The following COL16A1 variants were observed in gnomAD, a reference collection of about 807,000 sequenced individuals.
COL16A1 encodes the protein collagen alpha-1(XVI) chain.
COL16A1 carries 189 observed loss-of-function variants against 266.3 expected under a neutral mutation model. The observed-to-expected ratio is 0.71, with a 90% CI of 0.63 to 0.80. The LOEUF is 0.80. COL16A1 is among the 30% of genes least tolerant of loss of function. COL16A1 has a pLI of 0.00. For synonymous variants in COL16A1, 740 were observed against 782.3 expected, an observed-to-expected ratio of 0.95 and a Z score of 0.90; for missense variants, 1,928 against 2,122.4, an observed-to-expected ratio of 0.91 and a Z score of 1.80.
intron 23 of COL16A1, 22 bp downstream of exon 23, chr1:31,689,718 CA>C (rs1258473877): frequency 6.3e-7 from 1 of 1,596,542 alleles, no homozygotes; most frequent in Non-Finnish European, 8.6e-7. Context: ...GGAGGTCCCT[CA>C]ATGGTCACCC....
Position 31,680,175 on chromosome 1 carries a change from C to T in COL16A1, c.2611-74G>A, listed in dbSNP as rs530556249. On this transcript the variant is annotated intron_variant, in intron 39 of 70. Coordinates refer to ENST00000373672, the MANE Select transcript of COL16A1 (RefSeq NM_001856.4). ...TCTTGAAATGGACATCCGAGAGGCA[C>T]GTGGGCTCTAGAGATGGAGAGGCCA... 130 of 1,559,384 alleles carry T rather than the reference C, an allele frequency of 8.3e-5. 1 individual carries two copies. Among genetic ancestry groups the T allele is most frequent in the Non-Finnish European group, 1.0e-4 (120 of 1,150,538 alleles).
chr1:31,684,111 G>T lies in COL16A1; in HGVS notation c.2281C>A (p.Pro761Thr), dbSNP rs374256953. ...GPEGVGRPGK[P>T]GQPGLPGVQG... ...GGGCCGGAGGGCAGGCAACTCACGG[G>T]TTTACCAGGTCGGCCCACGCCTTCG... is the stretch of plus-strand genomic sequence containing the variant. Residue 761 changes from proline to threonine, a missense_variant and splice_region_variant, in exon 32 of 71, where the codon CCC becomes ACC. By Grantham distance (38) the Pro-to-Thr change is conservative. Transcript: ENST00000373672. 38 of 1,591,074 alleles carry T rather than the reference G, an allele frequency of 2.4e-5. No individual in the cohort carries two copies. The highest frequency in any genetic ancestry group is 2.3e-4 in the African/African-American group (17 of 74,580).
intron 67 of COL16A1, 107 bp downstream of exon 67, chr1:31,655,207 G>A: frequency 2.0e-6 from 3 of 1,493,482 alleles, no homozygotes; most frequent in Non-Finnish European, 2.7e-6. Flanking sequence ...ATGGGAGCCA[G>A]GCTCTTTCCC....
chr1:31,700,467 C>T (rs1165117318), intron 2 of COL16A1, among the ~76,000 whole-genome samples: 6 of 152,262 alleles, frequency 3.9e-5, no homozygotes, highest in Non-Finnish European at 7.3e-5. Flanking sequence ...AGGTGGCTCT[C>T]GAGCACAGAT....
At position 31,690,411 on chromosome 1, in the gene COL16A1, A is replaced by T; in HGVS notation, c.1483-18T>A. 2 of 1,614,140 alleles carry T rather than the reference A, an allele frequency of 1.2e-6. No homozygotes were observed. Among genetic ancestry groups the T allele is most frequent in the Non-Finnish European group, 1.7e-6 (2 of 1,180,010 alleles). ...GGCTTCCCCTGTTAGAAAAGAGGCA[A>T]TGGGCATCAGTGCCAGGGCAGAGGG... On this transcript the variant is annotated intron_variant, in intron 21 of 70. Transcript: ENST00000373672.
chr1:31,693,799 C>A (rs567433221), intron 12 of COL16A1, among the ~76,000 whole-genome samples: 43 of 152,316 alleles, frequency 2.8e-4, no homozygotes, highest in African/African-American at 9.1e-4. Context: ...TTCTAACACA[C>A]CCTGTCAGAC....
chr1:31,694,067 C>A, intron 12 of COL16A1, 77 bp downstream of exon 12: 2 of 1,409,300 alleles, frequency 1.4e-6, no homozygotes, highest in East Asian at 2.3e-5. Flanking sequence ...AAACACACAG[C>A]CACAGGGTCA....
At chr1:31,677,124 C>T (rs1255116508) in intron 42 of COL16A1, among the ~76,000 whole-genome samples, 6 of 152,342 alleles carry the variant, frequency 3.9e-5, no homozygotes, top group South Asian at 4.1e-4. Context: ...ATCACTCTGT[C>T]GCCCAGGCTG....
rs189599038 is a variant in COL16A1 at position 31,682,427 on chromosome 1, T to C, written c.2538+507A>G. 2.6e-5 allele frequency among the ~76,000 whole-genome samples: 4 copies of C among 152,302 alleles called. No homozygotes were observed. In the East Asian group the frequency reaches 5.8e-4, roughly 22 times the overall value. On this transcript the variant is annotated intron_variant, in intron 37 of 70. Transcript: ENST00000373672. ...AATTAAATGTCACTTAAAATTGAGTTCCTCAGTCACACTAGCCACATTTCA... is the reference window on the plus strand; with the variant it reads ...AATTAAATGTCACTTAAAATTGAGTCCCTCAGTCACACTAGCCACATTTCA...
Position 31,688,617 on chromosome 1 carries a change from A to G in COL16A1, c.1768-115T>C. The G allele has an allele frequency of 7.1e-7, 1 of 1,406,180 alleles. No individual in the cohort carries two copies. Among genetic ancestry groups the G allele is most frequent in the Non-Finnish European group, 1.0e-6 (1 of 992,588 alleles). The allele number at this position is 1,406,180 out of a possible 1,614,324, so 87.1% of individuals were successfully genotyped here. A position where few individuals can be genotyped will look rare whatever the true frequency, so the allele number is the denominator to read the frequency against. ...CGGTAAGATAGGAATTATGTCCTTC[A>G]GGTAGCTGGACAGTTTCTTCAGTTA... On this transcript the variant is annotated intron_variant, in intron 25 of 70. Transcript: ENST00000373672. This position sits in a 1 kb window ranked among gnomAD's most constrained non-coding sequence, Gnocchi z 4.9.
In COL16A1 at chr1:31,698,559, G is replaced by A; in HGVS notation, c.314C>T (p.Thr105Ile). ...GLPEEFALVL[T>I]LLLKKHTHQK... ...GTGGGTGTGTTTCTTCAGCAGTAGT[G>A]TCAGCACCAGGGCAAACTCCTCCGG... Residue 105 changes from threonine to isoleucine, a missense_variant, in exon 5 of 71, where the codon ACA becomes ATA. Thr to Ile is a moderately conservative substitution (Grantham distance 89). Transcript: ENST00000373672. This position sits in a 1 kb window ranked among gnomAD's most constrained non-coding sequence, Gnocchi z 4.1. The A allele has an allele frequency of 6.2e-7, 1 of 1,614,108 alleles. No homozygotes were observed. The highest frequency in any genetic ancestry group is 8.5e-7 in the Non-Finnish European group (1 of 1,180,012).
At position 31,704,013 on chromosome 1, in the gene COL16A1, G is replaced by C. The variant is rs1307709786; in HGVS notation, c.-211C>G. On this transcript the variant is annotated 5_prime_UTR_variant, in exon 1 of 71. Coordinates refer to ENST00000373672, the MANE Select transcript of COL16A1 (RefSeq NM_001856.4). ...CTGCTGCCCGGCGCACGCCTGCCGG[G>C]GACTGCCGGCCACTCCGGGTGGGGG... 1 of 152,446 alleles carries C rather than the reference G, an allele frequency of 6.6e-6. No homozygotes were observed. Among genetic ancestry groups the C allele is most frequent in the Non-Finnish European group, 1.5e-5 (1 of 68,212 alleles). 9.4% of individuals were successfully genotyped at this position (152,446 alleles called of 1,614,324 possible).
intron 47 of COL16A1, 49 bp from the exon 48 acceptor site, chr1:31,671,708 A>T (rs1642726312): frequency 6.2e-7 from 1 of 1,611,068 alleles, no homozygotes; most frequent in Non-Finnish European, 8.5e-7. Flanking sequence ...GGCCCCATAG[A>T]GCCCCTGGGA....
chr1:31,665,560 G>C (rs187343659), intron 55 of COL16A1, 23 bp downstream of exon 55: 15 of 1,614,046 alleles, frequency 9.3e-6, no homozygotes, highest in Non-Finnish European at 1.3e-5. Flanking sequence ...AGACAGAGCT[G>C]GCTTTGTGTC....
intron 10 of COL16A1, 94 bp from the exon 11 acceptor site, chr1:31,695,315 A>C (rs2148819996): frequency 5.6e-6 from 7 of 1,252,922 alleles, no homozygotes; most frequent in Non-Finnish European, 4.6e-6. Flanking sequence ...AACATCACAC[A>C]TATCTTGAGT....
chr1:31,686,539 G>A (rs148213273), intron 26 of COL16A1, among the ~76,000 whole-genome samples: 7 of 152,310 alleles, frequency 4.6e-5, no homozygotes, highest in African/African-American at 1.7e-4. Flanking sequence ...AAATCACGAA[G>A]GCATTTTTCC....
chr1:31,661,565 A>G, intron 59 of COL16A1, 95 bp downstream of exon 59: 5 of 1,612,130 alleles, frequency 3.1e-6, no homozygotes, highest in South Asian at 2.2e-5. Flanking sequence ...AAGTCATAAC[A>G]CGGTCCACGG....
chr1:31,654,698 A>T (rs1640948951), intron 68 of COL16A1, 94 bp downstream of exon 68: 5 of 1,604,376 alleles, frequency 3.1e-6, no homozygotes, highest in Non-Finnish European at 4.2e-6. Flanking sequence ...GCAGGAGGAC[A>T]TTGAGCGTTA....
chr1:31,658,234 G>C (rs1326466787), intron 64 of COL16A1, among the ~76,000 whole-genome samples: 1 of 152,220 alleles, frequency 6.6e-6, no homozygotes, highest in Non-Finnish European at 1.5e-5. Context: ...GGGACACGTA[G>C]CCAAGGGGTC....
Sources: gnomAD v4.1 joint callset for allele counts (sites outside exome capture counted in the v4.1 genomes callset) on GRCh38, gnomAD v4.1.1 for gene constraint, Gnocchi (gnomAD v3.1) non-coding constraint, MANE v1.5 for transcripts, NCBI Gene and HGNC (gene_info 2026-07-23, HGNC 2026-07-21) for gene names.